Variants in CCDC91 observed in about 807,000 individuals in gnomAD.
CCDC91 encodes the protein coiled-coil domain-containing protein 91.
Under a neutral mutation model 63.2 loss-of-function variants are expected in CCDC91, and 48 were observed. The ratio of observed to expected loss-of-function variants is 0.76; its 90% CI spans 0.60 to 0.97. The LOEUF (loss-of-function observed/expected upper bound fraction) is 0.97, where lower values mean the gene tolerates loss of function less well. Among genes scored for constraint, CCDC91 ranks in the 50% least tolerant of loss-of-function variants. The probability of loss-of-function intolerance (pLI) is 0.00; values close to 1 mark genes in which losing one functional copy is unlikely to be tolerated. For synonymous variants in CCDC91, 167 were observed against 165.8 expected (o/e 1.01, Z -0.06); for missense variants, 500 against 494.6 (o/e 1.01, Z -0.10).
intron 8 of CCDC91, among the ~76,000 whole-genome samples, chr12:28,420,166 A>G (rs1489200123): frequency 6.6e-6 from 1 of 152,170 alleles, no homozygotes; most frequent in Non-Finnish European, 1.5e-5. Context: ...ACTAATAGGT[A>G]ACAAAATTTG....
At chr12:28,317,527 C>CT (rs1347248485) in intron 6 of CCDC91, among the ~76,000 whole-genome samples, 11 of 151,714 alleles carry the variant, frequency 7.3e-5, no homozygotes, top group African/African-American at 2.4e-4. Context: ...GTCTGTGTCT[C>CT]TAAGAATTGT....
intron 6 of CCDC91, among the ~76,000 whole-genome samples, chr12:28,329,109 T>C (rs1476677664): frequency 6.6e-6 from 1 of 152,180 alleles, no homozygotes; most frequent in Non-Finnish European, 1.5e-5. Flanking sequence ...TAAAGAAGTC[T>C]TCCTGAAATA....
intron 12 of CCDC91, among the ~76,000 whole-genome samples, chr12:28,491,980 T>TGC (rs1952035888): frequency 6.6e-6 from 1 of 151,404 alleles, no homozygotes; most frequent in Non-Finnish European, 1.5e-5. Context: ...TGTGTGTGTG[T>TGC]GTCTGTTTGA....
intron 12 of CCDC91, among the ~76,000 whole-genome samples, chr12:28,518,708 T>A (rs975779989): frequency 6.6e-6 from 1 of 152,038 alleles, no homozygotes; most frequent in African/African-American, 2.4e-5. Context: ...TTTGGGTTCT[T>A]GGTCATGAAA....
chr12:28,364,664 G>A (rs1227438669), intron 7 of CCDC91, among the ~76,000 whole-genome samples: 6 of 152,064 alleles, frequency 3.9e-5, no homozygotes, highest in Non-Finnish European at 5.9e-5. Context: ...AAAAATAACA[G>A]TACAACGGTA....
chr12:28,244,526 T>TTTTTTTTTTTC (rs3064708), intron 1 of CCDC91, among the ~76,000 whole-genome samples: 2 of 111,220 alleles, frequency 1.8e-5, no homozygotes, highest in African/African-American at 6.0e-5. Context: ...TTTTTTTTTT[T>TTTTTTTTTTTC]ACAGCTCTAC....
intron 11 of CCDC91, among the ~76,000 whole-genome samples, chr12:28,477,581 A>AC (rs1332554557): frequency 1.1e-4 from 16 of 152,272 alleles, no homozygotes; most frequent in African/African-American, 3.6e-4. Context: ...CTCTCTCACC[A>AC]CTTCTATTGA....
intron 11 of CCDC91, among the ~76,000 whole-genome samples, chr12:28,455,225 T>C (rs1377888196): frequency 2.6e-5 from 4 of 152,132 alleles, no homozygotes; most frequent in Non-Finnish European, 5.9e-5. Context: ...TCCAAAATTT[T>C]CAAATAAGTT....
intron 4 of CCDC91, among the ~76,000 whole-genome samples, 173 bp downstream of exon 4, chr12:28,305,979 G>A (rs892922642): frequency 3.3e-5 from 5 of 152,050 alleles, no homozygotes; most frequent in African/African-American, 9.7e-5. Context: ...TATATAATAT[G>A]TTTGTGTCGT....
intron 6 of CCDC91, among the ~76,000 whole-genome samples, chr12:28,357,751 T>C (rs2138431465): frequency 6.6e-6 from 1 of 152,258 alleles, no homozygotes; most frequent in Non-Finnish European, 1.5e-5. Flanking sequence ...AGTATCCTCA[T>C]TTATAAAATG....
At chr12:28,488,013 A>G (rs540232990) in intron 12 of CCDC91, among the ~76,000 whole-genome samples, 2 of 151,944 alleles carry the variant, frequency 1.3e-5, no homozygotes, top group East Asian at 3.9e-4. Context: ...ATCTAACAAT[A>G]TAAAACACAA....
chr12:28,540,462 A>G (rs1230142376), intron 12 of CCDC91, among the ~76,000 whole-genome samples: 1 of 152,186 alleles, frequency 6.6e-6, no homozygotes, highest in Non-Finnish European at 1.5e-5. Flanking sequence ...AAACTCCTGC[A>G]TATTTACAGC....
chr12:28,529,173 A>G (rs1202153470), intron 12 of CCDC91, among the ~76,000 whole-genome samples: 2 of 152,220 alleles, frequency 1.3e-5, no homozygotes, highest in Admixed American at 1.3e-4. Flanking sequence ...CTCTAAAAAG[A>G]GAAAAACAAT....
intron 6 of CCDC91, among the ~76,000 whole-genome samples, chr12:28,310,401 A>G (rs1939199700): frequency 6.6e-6 from 1 of 152,044 alleles, no homozygotes; most frequent in Non-Finnish European, 1.5e-5. Context: ...TGCGTTTACT[A>G]TTAATAGTGA....
intron 3 of CCDC91, among the ~76,000 whole-genome samples, chr12:28,272,117 TC>T (rs1187201846): frequency 1.3e-5 from 2 of 151,944 alleles, no homozygotes; most frequent in Admixed American, 6.6e-5. Flanking sequence ...TAGTTGTTGT[TC>T]CATTGAAGAT....
intron 12 of CCDC91, among the ~76,000 whole-genome samples, chr12:28,544,138 C>A (rs1013959062): frequency 6.6e-6 from 1 of 151,822 alleles, no homozygotes; most frequent in Non-Finnish European, 1.5e-5. Flanking sequence ...AAACTGCAAA[C>A]CTTTAGGGCC....
rs1282158989 is a variant in CCDC91 at position 28,240,704 on chromosome 12, T to G, written c.-14-16498T>G. On this transcript the variant is annotated intron_variant, in intron 1 of 12. Coordinates refer to ENST00000536442, the MANE Select transcript of CCDC91 (RefSeq NM_018318.5). ...CAACTTGCATGTATCGGTAGTTCTT[T>G]CCTTTTTATAGCTGATAAGTATTAC... 5.3e-5 allele frequency among the ~76,000 whole-genome samples: 8 copies of G among 152,160 alleles called. No individual in the cohort carries two copies. The East Asian group carries it at 1.5e-3, about 29-fold the overall frequency.
chr12:28,288,591 G>T (rs1234216778), intron 3 of CCDC91, among the ~76,000 whole-genome samples: 1 of 151,852 alleles, frequency 6.6e-6, no homozygotes, highest in Non-Finnish European at 1.5e-5. Flanking sequence ...GATTTGGTTT[G>T]CCACAAGTGT....
chr12:28,259,377 T>C lies in CCDC91; in HGVS notation c.44T>C (p.Phe15Ser). The change falls in exon 3 of 13, where the codon TTT becomes TCT. Residue 15 changes from phenylalanine (F) to serine (S), a missense_variant. By Grantham distance (155) the Phe-to-Ser change is radical (BLOSUM62 -2). Coordinates refer to ENST00000536442, the MANE Select transcript of CCDC91 (RefSeq NM_018318.5). ...DFGGFEAAET[F>S]DGGSGETQTT... is the part of the protein sequence containing the mutation. ...TTTGTCTTGTAGGCTGCGGAGACTT[T>C]TGATGGTGGAAGTGGTGAAACCCAA... is the stretch of plus-strand genomic sequence containing the variant. 6.2e-7 allele frequency: 1 copy of C among 1,612,142 alleles called. No homozygotes were observed. Among genetic ancestry groups the C allele is most frequent in the East Asian group, 2.2e-5 (1 of 44,840 alleles).
Sources: allele counts gnomAD v4.1 joint callset (sites outside exome capture counted in the v4.1 genomes callset), GRCh38; gene constraint gnomAD v4.1.1; transcripts MANE v1.5; gene names NCBI Gene and HGNC (gene_info 2026-07-23, HGNC 2026-07-21).